Variants in USP10 observed in about 807,000 individuals in gnomAD.
USP10 encodes the protein ubiquitin specific peptidase 10.
Under a neutral mutation model 84.5 loss-of-function variants are expected in USP10, and 22 were observed. That is an observed-to-expected ratio of 0.26 (90% CI 0.19 to 0.37). The LOEUF is 0.37. Among genes scored for constraint, USP10 ranks in the 10% least tolerant of loss-of-function variants. The probability of loss-of-function intolerance (pLI) is 1.00; values close to 1 mark genes in which losing one functional copy is unlikely to be tolerated. For missense variants in USP10, 1,019 were observed against 998.9 expected, an observed-to-expected ratio of 1.02 and a Z score of -0.27; for synonymous variants, 454 against 387.6, an observed-to-expected ratio of 1.17 and a Z score of -2.01.
chr16:84,743,695 G>T (rs1201511294), intron 3 of USP10, among the ~76,000 whole-genome samples: 1 of 152,110 alleles, frequency 6.6e-6, no homozygotes, highest in Non-Finnish European at 1.5e-5. Context: ...CTTGATTTCT[G>T]TTGAAAGACA....
intron 10 of USP10, among the ~76,000 whole-genome samples, chr16:84,764,888 G>T (rs1421172380): frequency 6.9e-6 from 1 of 145,602 alleles, no homozygotes; most frequent in African/African-American, 2.5e-5. Context: ...GGTAGGCAAA[G>T]GTTTCATAAG....
chr16:84,744,873 A>C lies in USP10; in HGVS notation c.392A>C (p.Glu131Ala). The C allele has an allele frequency of 6.2e-7, 1 of 1,613,626 alleles. No homozygotes were observed. The highest frequency in any genetic ancestry group is 8.5e-7 in the Non-Finnish European group (1 of 1,179,658). ...ALALDGSSNV[E>A]AEVLENDGVS... is the part of the protein sequence containing the mutation. ...GCTTTGGATGGAAGTTCTAATGTGG[A>C]GGCGGAAGTTTTGGAAAATGATGGT... is the stretch of plus-strand genomic sequence containing the variant. The change falls in exon 4 of 14, where the codon GAG (glutamate) becomes GCG (alanine). Residue 131 changes from glutamate (E) to alanine (A), a missense_variant. Physicochemically the swap from Glu to Ala is moderately radical, Grantham distance 107. Coordinates refer to ENST00000219473, the MANE Select transcript of USP10 (RefSeq NM_005153.3).
intron 1 of USP10, among the ~76,000 whole-genome samples, chr16:84,726,600 C>T (rs951871650): frequency 6.6e-6 from 1 of 152,214 alleles, no homozygotes; most frequent in Non-Finnish European, 1.5e-5. Context: ...GCTTGCCCCC[C>T]TTTTCTCGAA....
At chr16:84,725,480 A>C (rs1003222925) in intron 1 of USP10, among the ~76,000 whole-genome samples, 4 of 151,954 alleles carry the variant, frequency 2.6e-5, no homozygotes, top group Non-Finnish European at 5.9e-5. Context: ...CGCTCACTGC[A>C]ACCTCTGCCT....
rs1555548042 is a variant in USP10 at position 84,764,932 on chromosome 16, A to AGAGAGAG, written c.1832+669_1832+670insGAGAGAG. Among the ~76,000 whole-genome samples, 532 of 130,226 alleles carry AGAGAGAG rather than the reference A, an allele frequency of 4.1e-3. 6 individuals are homozygous for AGAGAGAG. Among genetic ancestry groups the AGAGAGAG allele is most frequent in the Non-Finnish European group, 4.7e-3 (287 of 61,706 alleles). 85.4% of individuals were successfully genotyped at this position (130,226 alleles called of 152,430 possible). ...TAAACAATAACCACGAGAGAGAGAG[A>AGAGAGAG]AAAAAAAATATATATATATATATTA... is the stretch of plus-strand genomic sequence containing the variant. On this transcript the variant is annotated intron_variant, in intron 10 of 13. Coordinates refer to ENST00000219473, the MANE Select transcript of USP10 (RefSeq NM_005153.3).
intron 4 of USP10, among the ~76,000 whole-genome samples, chr16:84,747,306 T>C (rs1428570606): frequency 1.3e-5 from 2 of 152,210 alleles, no homozygotes; most frequent in African/African-American, 4.8e-5. Flanking sequence ...ATTACCAGGA[T>C]GTAGCAGCAA....
In USP10 at chr16:84,701,934, CTTCTTT is replaced by C. The variant is rs1467042310; in HGVS notation, c.21+1826_21+1831del. On this transcript the variant is annotated intron_variant, in intron 1 of 13. Transcript: ENST00000219473. ...TAGTTTGATTTCTCATAATTTTCTTCTTCTTTTTTTTTTTTTTTTTGAGTTGGAATT... is the reference window on the plus strand; with the variant it reads ...TAGTTTGATTTCTCATAATTTTCTTCTTTTTTTTTTTTTTGAGTTGGAATT... Among the ~76,000 whole-genome samples the C allele has an allele frequency of 1.2e-3, 107 of 92,696 alleles. 1 individual carries two copies. Among genetic ancestry groups the C allele is most frequent in the Middle Eastern group, 5.7e-3 (1 of 174 alleles). The allele number at this position is 92,696 out of a possible 152,430, so 60.8% of individuals were successfully genotyped here.
At chr16:84,746,515 A>G (rs2047768664) in intron 4 of USP10, among the ~76,000 whole-genome samples, 1 of 152,220 alleles carries the variant, frequency 6.6e-6, no homozygotes, top group Non-Finnish European at 1.5e-5. Flanking sequence ...GGCAGTTGTA[A>G]CACAGTGCTA....
chr16:84,709,445 G>GTT (rs1280231673), intron 1 of USP10: 2 of 152,182 alleles, frequency 1.3e-5, no homozygotes, highest in Non-Finnish European at 2.9e-5. Flanking sequence ...TTTGTTAGAT[G>GTT]TTACTGTCTT....
At chr16:84,704,901 G>T in intron 1 of USP10, 1 of 1,535,650 alleles carries the variant, frequency 6.5e-7, no homozygotes, top group Non-Finnish European at 8.7e-7. Context: ...GGCTGTTACA[G>T]CCTGAATTCC....
At chr16:84,777,630 G>A (rs1011223942) in intron 13 of USP10, among the ~76,000 whole-genome samples, 15 of 152,140 alleles carry the variant, frequency 9.9e-5, no homozygotes, top group Admixed American at 8.5e-4. Flanking sequence ...GGATTTCTTT[G>A]TGCAGAGCCC....
chr16:84,724,053 T>C (rs1404107396), intron 1 of USP10, among the ~76,000 whole-genome samples: 1 of 152,252 alleles, frequency 6.6e-6, no homozygotes, highest in African/African-American at 2.4e-5. Context: ...CCAGATAAAG[T>C]TGACTGAATT....
chr16:84,757,395 GGGTGGGGGTGTGT>G (rs1187784787), intron 4 of USP10, among the ~76,000 whole-genome samples: 39 of 82,600 alleles, frequency 4.7e-4, no homozygotes, highest in African/African-American at 7.0e-4. Context: ...GGAATGAGAG[GGGTGGGGGTGTGT>G]GTGTGTGTGT....
At chr16:84,705,664 C>T (rs886845320) in intron 1 of USP10, among the ~76,000 whole-genome samples, 3 of 150,478 alleles carry the variant, frequency 2.0e-5, no homozygotes, top group African/African-American at 7.4e-5. Context: ...TGAAGATGTG[C>T]TCCTTTCCAT....
chr16:84,719,552 C>G (rs910873031), intron 1 of USP10, among the ~76,000 whole-genome samples: 169 of 152,280 alleles, frequency 1.1e-3, no homozygotes, highest in African/African-American at 3.6e-3. Context: ...TTGTCTTAGG[C>G]CTTTGTCCAA....
chr16:84,754,123 A>G (rs1912245355), intron 4 of USP10, among the ~76,000 whole-genome samples: 1 of 152,190 alleles, frequency 6.6e-6, no homozygotes, highest in African/African-American at 2.4e-5. Context: ...AAGGAGGCAC[A>G]CAGCACTAAT....
At chr16:84,769,845 G>T (rs528860546) in intron 11 of USP10, among the ~76,000 whole-genome samples, 1 of 152,140 alleles carries the variant, frequency 6.6e-6, no homozygotes, top group East Asian at 1.9e-4. Flanking sequence ...TAGGGGTGGC[G>T]GTGTGGGGGC....
intron 12 of USP10, among the ~76,000 whole-genome samples, chr16:84,773,894 T>C (rs1914704145): frequency 6.6e-6 from 1 of 152,212 alleles, no homozygotes; most frequent in Non-Finnish European, 1.5e-5. Context: ...TTTATTTTTA[T>C]ATCTTTTCTT....
In USP10 at chr16:84,773,593, C is replaced by T. The variant is rs78766503; in HGVS notation, c.2143+908C>T. Among the ~76,000 whole-genome samples the T allele has an allele frequency of 3.1e-3, 475 of 152,340 alleles. 3 individuals are homozygous for T. Among genetic ancestry groups the T allele is most frequent in the African/African-American group, 0.011 (448 of 41,568 alleles). On this transcript the variant is annotated intron_variant, in intron 12 of 13. Coordinates refer to ENST00000219473, the MANE Select transcript of USP10 (RefSeq NM_005153.3). Reference sequence around the variant, plus strand: ...CTGCACACAAGAGCTGTGCTTTCTGCTGACGGGCTTGGCTGCTGTGCCGGG... The same window carrying T: ...CTGCACACAAGAGCTGTGCTTTCTGTTGACGGGCTTGGCTGCTGTGCCGGG...
Sources: allele counts gnomAD v4.1 joint callset (sites outside exome capture counted in the v4.1 genomes callset), GRCh38; gene constraint gnomAD v4.1.1; transcripts MANE v1.5; gene names NCBI Gene and HGNC (gene_info 2026-07-23, HGNC 2026-07-21).